The following MX2 variants were observed in gnomAD, a reference collection of about 807,000 sequenced individuals.
MX2 encodes the protein MX dynamin like GTPase 2.
In MX2, 51 loss-of-function variants were observed where a neutral mutation model predicts 74.0. That is an observed-to-expected ratio of 0.69 (90% confidence interval 0.55 to 0.87). The LOEUF (loss-of-function observed/expected upper bound fraction) is 0.87. Among genes scored for constraint, MX2 ranks in the 40% least tolerant of loss-of-function variants. The probability of loss-of-function intolerance (pLI) is 0.00; values close to 1 mark genes in which losing one functional copy is unlikely to be tolerated. For synonymous variants in MX2, 369 were observed against 339.3 expected, an observed-to-expected ratio of 1.09 and a Z score of -0.96; for missense variants, 832 against 908.7, an observed-to-expected ratio of 0.92 and a Z score of 1.09.
At chr21:41,403,604 C>T (rs1393618066) in intron 12 of MX2, 9 of 697,852 alleles carry the variant, frequency 1.3e-5, no homozygotes, top group East Asian at 2.9e-5. Flanking sequence ...CACGACCTTA[C>T]GCAGGATGTG....
At position 41,406,997 on chromosome 21, in the gene MX2, T is replaced by TGGCGGGGCA; in HGVS notation, c.1905+1_1905+2insCGGGGCAGG. 1 of 1,610,630 alleles carries TGGCGGGGCA rather than the reference T, an allele frequency of 6.2e-7. No homozygotes were observed. The highest frequency in any genetic ancestry group is 8.5e-7 in the Non-Finnish European group (1 of 1,176,970). ...GGCATCCACCTGAATGCCTACTTCTTGGTGAGTTCCCGGCGGGGCAGGAGC... is the reference window on the plus strand; with the variant it reads ...GGCATCCACCTGAATGCCTACTTCTTGGCGGGGCAGGTGAGTTCCCGGCGGGGCAGGAGC... On this transcript the variant is annotated inframe_insertion and splice_region_variant, in exon 13 of 14. Coordinates refer to ENST00000330714, the MANE Select transcript of MX2 (RefSeq NM_002463.2).
chr21:41,362,415 C>G (rs1056251659), intron 1 of MX2, among the ~76,000 whole-genome samples: 2 of 151,796 alleles, frequency 1.3e-5, no homozygotes, highest in Non-Finnish European at 2.9e-5. Context: ...GCTTTGTGCC[C>G]GAAAAGTCGT....
intron 3 of MX2, among the ~76,000 whole-genome samples, chr21:41,379,005 A>G (rs115615983): frequency 0.044 from 6,671 of 152,258 alleles, 203 homozygotes; most frequent in African/African-American, 0.096. Context: ...GGCTGCCCGG[A>G]CCCTGCACAG....
rs1224870130 is a variant in MX2 at position 41,388,049 on chromosome 21, C to T, written c.733-2516C>T. Among the ~76,000 whole-genome samples, 1 of 152,216 alleles carries T rather than the reference C, an allele frequency of 6.6e-6. No homozygotes were observed. The highest frequency in any genetic ancestry group is 1.5e-5 in the Non-Finnish European group (1 of 68,026). ...ACTTCCACCAGCACCCTCACCTAAG[C>T]TGCTGCTATCCTGAACCTGGGTTAC... On this transcript the variant is annotated intron_variant, in intron 5 of 13. Coordinates refer to ENST00000330714, the MANE Select transcript of MX2 (RefSeq NM_002463.2). The surrounding 1 kb of genome is among the most constrained non-coding windows in gnomAD (Gnocchi z 4.0).
rs546700542 is a variant in MX2, at chr21:41,396,208, G to A, written c.1070+423G>A. Among the ~76,000 whole-genome samples the A allele has an allele frequency of 1.1e-4, 16 of 152,314 alleles. No individual in the cohort carries two copies. In the East Asian group the frequency reaches 2.9e-3, roughly 28 times the overall value. On this transcript the variant is annotated intron_variant, in intron 7 of 13. Transcript: ENST00000330714. ...AAACCCGTGTGTACCACCGTAAACGGCACACAGGAAAACCTGCTCGATGGA... is the reference window on the plus strand; with the variant it reads ...AAACCCGTGTGTACCACCGTAAACGACACACAGGAAAACCTGCTCGATGGA...
chr21:41,400,470 A>G (rs2089796497), intron 10 of MX2, among the ~76,000 whole-genome samples: 2 of 152,292 alleles, frequency 1.3e-5, no homozygotes, highest in South Asian at 4.1e-4. Context: ...CATGTGCTCC[A>G]GCCCAGGTTC....
intron 1 of MX2, among the ~76,000 whole-genome samples, chr21:41,376,388 C>CA (rs1295078253): frequency 1.4e-5 from 2 of 147,650 alleles, no homozygotes; most frequent in Non-Finnish European, 1.5e-5. Context: ...TACACACACA[C>CA]AAAAAAAACT....
At chr21:41,386,737 C>T (rs928751771) in intron 5 of MX2, among the ~76,000 whole-genome samples, 4 of 152,212 alleles carry the variant, frequency 2.6e-5, no homozygotes, top group African/African-American at 9.6e-5. Flanking sequence ...GATTCTTTGA[C>T]ATTGTCCTCC....
chr21:41,377,238 T>A (rs1397257442), intron 2 of MX2, 83 bp downstream of exon 2: 1 of 1,557,062 alleles, frequency 6.4e-7, no homozygotes. Context: ...ACCACAATAA[T>A]AGAACCAGCC....
intron 7 of MX2, among the ~76,000 whole-genome samples, chr21:41,397,161 G>A (rs1055145856): frequency 1.3e-5 from 2 of 152,220 alleles, no homozygotes; most frequent in South Asian, 2.1e-4. Context: ...GCTGCAGCAA[G>A]CAAATGCAGC....
chr21:41,382,704 G>A, intron 5 of MX2, 140 bp downstream of exon 5: 3 of 1,134,904 alleles, frequency 2.6e-6, no homozygotes, highest in Admixed American at 5.1e-5. Flanking sequence ...CCCAGGTGGG[G>A]GCCTCATGCC....
chr21:41,380,467 G>A lies in MX2; in HGVS notation c.577+316G>A, dbSNP rs934421785. ...GCTTTCTCTACTCCACAGGGTACTCGCCCTCTCTTCCTTCCAGGTTTCTCC... is the reference window on the plus strand; with the variant it reads ...GCTTTCTCTACTCCACAGGGTACTCACCCTCTCTTCCTTCCAGGTTTCTCC... On this transcript the variant is annotated intron_variant, in intron 4 of 13. Coordinates refer to ENST00000330714, the MANE Select transcript of MX2 (RefSeq NM_002463.2). The surrounding 1 kb of genome is among the most constrained non-coding windows in gnomAD (Gnocchi z 4.3). 2.0e-5 allele frequency among the ~76,000 whole-genome samples: 3 copies of A among 152,020 alleles called. No homozygotes were observed. The highest frequency in any genetic ancestry group is 1.9e-4 in the East Asian group (1 of 5,180).
intron 6 of MX2, among the ~76,000 whole-genome samples, chr21:41,391,135 A>G (rs374234989): frequency 1.2e-4 from 18 of 152,062 alleles, no homozygotes; most frequent in African/African-American, 4.3e-4. Context: ...TACAAGTGCT[A>G]TTGTTCTTGT....
At chr21:41,371,816 G>A (rs1029170771) in intron 1 of MX2, among the ~76,000 whole-genome samples, 17 of 152,246 alleles carry the variant, frequency 1.1e-4, no homozygotes, top group African/African-American at 3.6e-4. Context: ...CAGGAGCCCC[G>A]GCTGTCACCA....
chr21:41,389,133 C>T (rs987879616), intron 5 of MX2, among the ~76,000 whole-genome samples: 3 of 151,614 alleles, frequency 2.0e-5, no homozygotes, highest in Admixed American at 6.6e-5. Flanking sequence ...GGACGATCAA[C>T]GTTAAAACTT....
intron 6 of MX2, among the ~76,000 whole-genome samples, chr21:41,395,164 G>A (rs535371012): frequency 3.5e-4 from 53 of 152,216 alleles, no homozygotes; most frequent in African/African-American, 1.3e-3. Flanking sequence ...GGAGAGGAAA[G>A]TGGGAAGGAG....
In MX2 at chr21:41,380,236, C is replaced by T. The variant is rs2089470825; in HGVS notation, c.577+85C>T. The T allele has an allele frequency of 4.5e-6, 7 of 1,561,322 alleles. No homozygotes were observed. Among genetic ancestry groups the T allele is most frequent in the South Asian group, 1.2e-5 (1 of 84,582 alleles). ...CCTTCTCCTCTTCCTCAAGTCACCC[C>T]CACAGTGACCACTCAGCTCCTAGCC... On this transcript the variant is annotated intron_variant, in intron 4 of 13. Transcript: ENST00000330714. The surrounding 1 kb of genome is among the most constrained non-coding windows in gnomAD (Gnocchi z 4.3).
At chr21:41,367,844 T>A (rs2089281236) in intron 1 of MX2, among the ~76,000 whole-genome samples, 1 of 152,148 alleles carries the variant, frequency 6.6e-6, no homozygotes, top group African/African-American at 2.4e-5. Context: ...CTTGGATCCG[T>A]CACCCCCGAC....
In MX2 at chr21:41,408,976, G is replaced by A. The variant is rs953599368; in HGVS notation, c.*743G>A. 8 of 152,278 alleles carry A rather than the reference G, an allele frequency of 5.3e-5. No individual in the cohort carries two copies. Among genetic ancestry groups the A allele is most frequent in the African/African-American group, 1.9e-4 (8 of 41,454 alleles). The allele number at this position is 152,278 out of a possible 1,614,324, so 9.4% of individuals were successfully genotyped here. ...TCAGTGACTCATACCTGTAATCCCAGTGACTCTGGAGACTGAAGCAGAAGG... is the reference window on the plus strand; with the variant it reads ...TCAGTGACTCATACCTGTAATCCCAATGACTCTGGAGACTGAAGCAGAAGG... On this transcript the variant is annotated 3_prime_UTR_variant, in exon 14 of 14. Coordinates refer to ENST00000330714, the MANE Select transcript of MX2 (RefSeq NM_002463.2).
Sources: gnomAD v4.1 joint callset for allele counts (sites outside exome capture counted in the v4.1 genomes callset) on GRCh38, gnomAD v4.1.1 for gene constraint, Gnocchi (gnomAD v3.1) non-coding constraint, MANE v1.5 for transcripts, NCBI Gene and HGNC (gene_info 2026-07-23, HGNC 2026-07-21) for gene names.